Variants in JAM3 observed in about 807,000 individuals in gnomAD.
The protein encoded by JAM3 is junctional adhesion molecule 3, also known as junctional adhesion molecule C.
Under a neutral mutation model 39.4 loss-of-function variants are expected in JAM3, and 31 were observed. That is an observed-to-expected ratio of 0.79 (90% confidence interval 0.59 to 1.06). The LOEUF (loss-of-function observed/expected upper bound fraction) is 1.06, where lower values mean the gene tolerates loss of function less well. Among genes scored for constraint, JAM3 ranks in the 50% least tolerant of loss-of-function variants. JAM3 has a pLI of 0.00. For synonymous variants in JAM3, 182 were observed against 148.7 expected, an observed-to-expected ratio of 1.22 and a Z score of -1.63; for missense variants, 455 against 391.4, an observed-to-expected ratio of 1.16 and a Z score of -1.37.
intron 1 of JAM3, among the ~76,000 whole-genome samples, chr11:134,116,994 C>G (rs1358957959): frequency 1.3e-5 from 2 of 151,888 alleles, no homozygotes; most frequent in Non-Finnish European, 2.9e-5. Context: ...GATATCTGCT[C>G]ACACCATTTC....
chr11:134,077,203 ATC>A (rs1190313277), intron 1 of JAM3, among the ~76,000 whole-genome samples: 1 of 152,044 alleles, frequency 6.6e-6, no homozygotes, highest in East Asian at 1.9e-4. Context: ...TTGGATTTGC[ATC>A]TCTCTGATGA....
At chr11:134,109,663 A>G (rs1591787892) in intron 1 of JAM3, among the ~76,000 whole-genome samples, 1 of 152,156 alleles carries the variant, frequency 6.6e-6, no homozygotes, top group African/African-American at 2.4e-5. Context: ...TTCAAAAATG[A>G]TTTTGAGGGC....
At chr11:134,084,252 T>C (rs1353812713) in intron 1 of JAM3, among the ~76,000 whole-genome samples, 4 of 152,246 alleles carry the variant, frequency 2.6e-5, no homozygotes, top group Non-Finnish European at 2.9e-5. Flanking sequence ...TACCTATCTG[T>C]AAAGCCTTTT....
intron 1 of JAM3, among the ~76,000 whole-genome samples, chr11:134,117,780 C>T (rs114201814): frequency 3.3e-5 from 5 of 152,084 alleles, no homozygotes; most frequent in African/African-American, 7.2e-5. Flanking sequence ...TTTTCAAGTT[C>T]GGTTCCTGAA....
At chr11:134,071,067 A>G (rs920844735) in intron 1 of JAM3, among the ~76,000 whole-genome samples, 3 of 152,134 alleles carry the variant, frequency 2.0e-5, no homozygotes, top group Non-Finnish European at 2.9e-5. Flanking sequence ...AGTCATGACT[A>G]CTGTGTCCTT....
At chr11:134,142,316 G>A (rs910778806) in intron 3 of JAM3, among the ~76,000 whole-genome samples, 2 of 152,090 alleles carry the variant, frequency 1.3e-5, no homozygotes, top group Non-Finnish European at 2.9e-5. Context: ...ACCCTGGTGG[G>A]GTTTATTTAC....
At chr11:134,079,207 T>C (rs1941623132) in intron 1 of JAM3, among the ~76,000 whole-genome samples, 1 of 152,202 alleles carries the variant, frequency 6.6e-6, no homozygotes, top group African/African-American at 2.4e-5. Context: ...CCTACAACTA[T>C]AATCTCTGTC....
chr11:134,109,626 A>G (rs767692344), intron 1 of JAM3, among the ~76,000 whole-genome samples: 1 of 152,220 alleles, frequency 6.6e-6, no homozygotes, highest in Non-Finnish European at 1.5e-5. Flanking sequence ...ATGGAATCAC[A>G]TAAATGGTCA....
chr11:134,145,248 G>A (rs1031248767), intron 5 of JAM3: 2 of 560,870 alleles, frequency 3.6e-6, no homozygotes, highest in South Asian at 2.1e-5. Context: ...AATGTTACTA[G>A]GGCCCTGATC....
chr11:134,111,243 A>G (rs1942304155), intron 1 of JAM3, among the ~76,000 whole-genome samples: 2 of 141,050 alleles, frequency 1.4e-5, no homozygotes, highest in South Asian at 4.4e-4. Context: ...TCCTGGGTTC[A>G]CGCCATTCTC....
At chr11:134,124,005 G>T in intron 1 of JAM3, 1 of 1,501,732 alleles carries the variant, frequency 6.7e-7, no homozygotes, top group Non-Finnish European at 9.3e-7. Flanking sequence ...CAGCACAGGT[G>T]CCCTTCCCAA....
At chr11:134,140,106 C>T (rs1402503224) in intron 2 of JAM3, among the ~76,000 whole-genome samples, 190 bp downstream of exon 2, 2 of 152,212 alleles carry the variant, frequency 1.3e-5, no homozygotes, top group African/African-American at 4.8e-5. Context: ...AGTTTTCCAT[C>T]AGCTGTCATC....
At chr11:134,079,312 A>G (rs75149831) in intron 1 of JAM3, among the ~76,000 whole-genome samples, 4,339 of 152,306 alleles carry the variant, frequency 0.028, 217 homozygotes, top group African/African-American at 0.098. Flanking sequence ...CTGAAACAGC[A>G]CCTACTTAGT....
Position 134,148,746 on chromosome 11 carries a change from G to A in JAM3, c.843-18G>A. Reference sequence around the variant, plus strand: ...AATATAACAACCCTGTTGCTAAACTGCTCTCTTCTCCTCATAGTTACAAGA... The same window carrying A: ...AATATAACAACCCTGTTGCTAAACTACTCTCTTCTCCTCATAGTTACAAGA... On this transcript the variant is annotated intron_variant, in intron 7 of 8. Coordinates refer to ENST00000299106, the MANE Select transcript of JAM3 (RefSeq NM_032801.5). The A allele has an allele frequency of 1.9e-6, 3 of 1,614,104 alleles. No individual in the cohort carries two copies. The highest frequency in any genetic ancestry group is 1.1e-5 in the South Asian group (1 of 91,082).
rs111321949 is a variant in JAM3 at position 134,138,026 on chromosome 11, C to T, written c.77-1825C>T. On this transcript the variant is annotated intron_variant, in intron 1 of 8. Coordinates refer to ENST00000299106, the MANE Select transcript of JAM3 (RefSeq NM_032801.5). The stretch of plus-strand genomic sequence containing the variant: ...AATAGTCCCTTAGAGCTAGTGGTGG[C>T]GTCTCGTCAAAGTCGTGGTGCTCAT... 3.2e-3 allele frequency among the ~76,000 whole-genome samples: 181 copies of T among 56,150 alleles called. 6 individuals carry two copies. Among genetic ancestry groups the T allele is most frequent in the African/African-American group, 0.014 (136 of 9,432 alleles). 36.8% of individuals were successfully genotyped at this position (56,150 alleles called of 152,430 possible). A position where few individuals can be genotyped will look rare whatever the true frequency, so the allele number is the denominator to read the frequency against.
intron 1 of JAM3, among the ~76,000 whole-genome samples, chr11:134,074,481 G>C (rs1941532747): frequency 6.6e-6 from 1 of 152,180 alleles, no homozygotes; most frequent in African/African-American, 2.4e-5. Context: ...TTGGATGAAG[G>C]AGTGGCTGAC....
intron 1 of JAM3, among the ~76,000 whole-genome samples, chr11:134,093,984 A>G (rs1185064342): frequency 1.5e-4 from 15 of 99,542 alleles, no homozygotes; most frequent in Non-Finnish European, 1.4e-4. Flanking sequence ...CTTCCTGAGG[A>G]AAGCTTCTCC....
intron 1 of JAM3, among the ~76,000 whole-genome samples, chr11:134,089,689 T>C (rs1303034805): frequency 2.6e-5 from 4 of 152,264 alleles, no homozygotes; most frequent in African/African-American, 9.6e-5. Context: ...GTGCCACATT[T>C]TCTTAATCCA....
intron 3 of JAM3, among the ~76,000 whole-genome samples, chr11:134,143,152 G>T (rs1591807375): frequency 6.6e-6 from 1 of 152,098 alleles, no homozygotes; most frequent in East Asian, 1.9e-4. Context: ...TGCATGTTTA[G>T]TTGTTTAAAA....
Sources: allele counts gnomAD v4.1 joint callset (sites outside exome capture counted in the v4.1 genomes callset), GRCh38; gene constraint gnomAD v4.1.1; transcripts MANE v1.5; gene names NCBI Gene and HGNC (gene_info 2026-07-23, HGNC 2026-07-21).